Variants in KIF25 observed in about 807,000 individuals in gnomAD.
The protein encoded by KIF25 is kinesin family member 25.
Under a neutral mutation model 32.9 loss-of-function variants are expected in KIF25, and 19 were observed. That is an observed-to-expected ratio of 0.58 (90% CI 0.40 to 0.85). The LOEUF (loss-of-function observed/expected upper bound fraction) is 0.85, where lower values mean the gene tolerates loss of function less well. Among genes scored for constraint, KIF25 ranks in the 40% least tolerant of loss-of-function variants. KIF25 has a pLI of 0.00. For missense variants in KIF25, 485 were observed against 507.0 expected (o/e 0.96, Z 0.42); for synonymous variants, 225 against 213.7 (o/e 1.05, Z -0.46).
chr6:168,015,526 G>A (rs1244646222), intron 4 of KIF25, among the ~76,000 whole-genome samples: 1 of 152,198 alleles, frequency 6.6e-6, no homozygotes, highest in East Asian at 1.9e-4. Context: ...CAGAGGCAGG[G>A]GCCATGCGTC....
intron 5 of KIF25, among the ~76,000 whole-genome samples, chr6:168,027,730 G>C (rs1377641461): frequency 6.6e-6 from 1 of 152,112 alleles, no homozygotes; most frequent in African/African-American, 2.4e-5. Flanking sequence ...GGAGCACGAG[G>C]TCAGATGCAT....
chr6:168,021,160 C>T (rs1054757989), intron 5 of KIF25, among the ~76,000 whole-genome samples: 24 of 152,194 alleles, frequency 1.6e-4, no homozygotes, highest in African/African-American at 5.3e-4. Context: ...GAAATAAACC[C>T]ACACAGATGC....
chr6:168,016,164 C>T (rs903344364), intron 4 of KIF25, among the ~76,000 whole-genome samples: 7 of 152,092 alleles, frequency 4.6e-5, no homozygotes, highest in African/African-American at 1.7e-4. Context: ...GTTCTTATGG[C>T]GAGGCCAGGG....
At chr6:168,005,558 T>G (rs976513794) in intron 4 of KIF25, among the ~76,000 whole-genome samples, 4 of 152,132 alleles carry the variant, frequency 2.6e-5, no homozygotes, top group Admixed American at 2.0e-4. Context: ...TAGATACATA[T>G]GTAGAGGAGA....
intron 4 of KIF25, among the ~76,000 whole-genome samples, chr6:168,009,262 T>G (rs1490557696): frequency 6.6e-6 from 1 of 151,996 alleles, no homozygotes; most frequent in Non-Finnish European, 1.5e-5. Flanking sequence ...TTATTAAGAG[T>G]TGTTTTTTTT....
At chr6:168,022,666 T>G (rs1798802897) in intron 5 of KIF25, among the ~76,000 whole-genome samples, 1 of 152,212 alleles carries the variant, frequency 6.6e-6, no homozygotes, top group African/African-American at 2.4e-5. Flanking sequence ...TACTTGTATC[T>G]TTGTTGCCAC....
At chr6:168,026,955 G>C (rs1239337286) in intron 5 of KIF25, among the ~76,000 whole-genome samples, 1 of 152,168 alleles carries the variant, frequency 6.6e-6, no homozygotes, top group Non-Finnish European at 1.5e-5. Context: ...TTATGTGCCA[G>C]GCACCCTGTT....
chr6:168,030,442 C>G (rs904477459), intron 6 of KIF25: 1 of 140,620 alleles, frequency 7.1e-6, no homozygotes, highest in South Asian at 2.6e-4. Context: ...CTCCTCCTCC[C>G]TCCCCTCCCC....
chr6:168,028,029 C>A (rs1042921258), intron 5 of KIF25, among the ~76,000 whole-genome samples: 1 of 151,994 alleles, frequency 6.6e-6, no homozygotes, highest in Admixed American at 6.6e-5. Context: ...CCAGAAGAAC[C>A]CCCCTGTGGA....
At chr6:168,040,570 A>G (rs1042228969) in intron 10 of KIF25, among the ~76,000 whole-genome samples, 12 of 150,364 alleles carry the variant, frequency 8.0e-5, no homozygotes, top group African/African-American at 3.0e-4. Context: ...CTGTTAAAAA[A>G]AAAAAGAAGA....
intron 10 of KIF25, 22 bp from the exon 11 acceptor site, chr6:168,041,947 G>T (rs909048370): frequency 6.5e-7 from 1 of 1,549,136 alleles, no homozygotes; most frequent in Non-Finnish European, 8.7e-7. Flanking sequence ...TTTCCTCCTC[G>T]TCGCTCCTTG....
chr6:168,015,899 C>T (rs957814164), intron 4 of KIF25, among the ~76,000 whole-genome samples: 1 of 152,150 alleles, frequency 6.6e-6, no homozygotes, highest in Non-Finnish European at 1.5e-5. Context: ...GTCCCTTGAG[C>T]TTTCGGGTTA....
intron 2 of KIF25, among the ~76,000 whole-genome samples, chr6:168,000,133 A>C (rs1187117734): frequency 1.1e-4 from 6 of 54,990 alleles, no homozygotes; most frequent in African/African-American, 3.0e-4. Flanking sequence ...TCTACACCTG[A>C]CCCTCCCCAC....
At chr6:168,009,704 A>G (rs888386289) in intron 4 of KIF25, among the ~76,000 whole-genome samples, 1 of 151,994 alleles carries the variant, frequency 6.6e-6, no homozygotes, top group African/African-American at 2.4e-5. Context: ...TTCTGGTCCT[A>G]GACTTTTCTT....
chr6:168,037,680 T>G (rs1222039674), intron 8 of KIF25, among the ~76,000 whole-genome samples: 1 of 152,060 alleles, frequency 6.6e-6, no homozygotes, highest in Non-Finnish European at 1.5e-5. Context: ...TGTAGTATCT[T>G]TATTTAAAAA....
At chr6:168,030,038 C>A (rs765372972) in intron 6 of KIF25, among the ~76,000 whole-genome samples, 22 of 152,244 alleles carry the variant, frequency 1.4e-4, no homozygotes, top group Non-Finnish European at 1.6e-4. Context: ...GCATACCTGA[C>A]CAAGTGCAAC....
intron 4 of KIF25, among the ~76,000 whole-genome samples, chr6:168,013,304 C>A (rs796501314): frequency 4.0e-5 from 6 of 151,856 alleles, no homozygotes; most frequent in African/African-American, 1.5e-4. Flanking sequence ...GCTGGTAGGG[C>A]AGTGATGGGG....
At chr6:168,031,830 C>A (rs892774323) in intron 7 of KIF25, among the ~76,000 whole-genome samples, 1 of 152,196 alleles carries the variant, frequency 6.6e-6, no homozygotes, top group Non-Finnish European at 1.5e-5. Flanking sequence ...CAAAAAGAGT[C>A]AAACCCTGTA....
chr6:168,019,981 A>G (rs1212358910), intron 5 of KIF25, among the ~76,000 whole-genome samples: 1 of 152,126 alleles, frequency 6.6e-6, no homozygotes, highest in Non-Finnish European at 1.5e-5. Context: ...AAAATACAAA[A>G]ATTAGCTGGG....
Sources: allele counts gnomAD v4.1 joint callset (sites outside exome capture counted in the v4.1 genomes callset), GRCh38; gene constraint gnomAD v4.1.1; transcripts MANE v1.5; gene names NCBI Gene and HGNC (gene_info 2026-07-23, HGNC 2026-07-21).